The following BRAT1 variants were observed in gnomAD, a reference collection of about 807,000 sequenced individuals.
BRAT1 encodes the protein integrator complex assembly factor BRAT1.
In BRAT1, 74 loss-of-function variants were observed where a neutral mutation model predicts 70.6. The observed-to-expected ratio is 1.05, with a 90% CI of 0.87 to 1.27. The LOEUF (loss-of-function observed/expected upper bound fraction) is 1.27, where lower values mean the gene tolerates loss of function less well. Ranked by LOEUF, BRAT1 falls within the 50% of genes most tolerant of loss-of-function variation. The probability of loss-of-function intolerance (pLI) is 0.00; values close to 1 mark genes in which losing one functional copy is unlikely to be tolerated. For missense variants in BRAT1, 1,203 were observed against 1,098.2 expected (o/e 1.10, Z -1.35); for synonymous variants, 615 against 517.1 (o/e 1.19, Z -2.57).
In BRAT1 at chr7:2,538,167, C is replaced by T. The variant is rs765404910; in HGVS notation, c.2368G>A (p.Glu790Lys). ...DLEGLRSTLA[E>K]SSDHVEKSPQ... ...CTCTTTTCCACGTGGTCGCTGCTCTCGGCCAGCGTGCTCCGCAGGCCCTCC... is the reference window on the plus strand; with the variant it reads ...CTCTTTTCCACGTGGTCGCTGCTCTTGGCCAGCGTGCTCCGCAGGCCCTCC... The change falls in exon 14 of 14, where the codon GAG (glutamate) becomes AAG (lysine). Residue 790 changes from glutamate (E) to lysine (K), a missense_variant. Transcript: ENST00000340611. 18 of 1,609,054 alleles carry T rather than the reference C, an allele frequency of 1.1e-5. No individual in the cohort carries two copies. Among genetic ancestry groups the T allele is most frequent in the South Asian group, 8.8e-5 (8 of 90,978 alleles).
In BRAT1 at chr7:2,541,803, G is replaced by A. The variant is rs755296109; in HGVS notation, c.1049C>T (p.Thr350Met). 20 of 1,612,696 alleles carry A rather than the reference G, an allele frequency of 1.2e-5. No homozygotes were observed. Among genetic ancestry groups the A allele is most frequent in the Middle Eastern group, 1.6e-4 (1 of 6,070 alleles). The change falls in exon 8 of 14, where the codon ACG becomes ATG. Residue 350 changes from threonine (T) to methionine (M), a missense_variant. Physicochemically the swap from Thr to Met is moderately conservative, Grantham distance 81. Coordinates refer to ENST00000340611, the MANE Select transcript of BRAT1 (RefSeq NM_152743.4). Reference protein sequence around the residue: ...LLDGTADDATTVDTLLASKSS... With the variant: ...LLDGTADDATMVDTLLASKSS... ...CTTGGAGGCCAGGAGTGTGTCCACC[G>A]TCGTGGCATCGTCTGCCGTCCCGTC...
chr7:2,543,316 C>A lies in BRAT1; in HGVS notation c.811G>T (p.Val271Leu). Residue 271 changes from valine (V) to leucine (L), a missense_variant, in exon 6 of 14, where the codon GTG becomes TTG. Transcript: ENST00000340611. The surrounding 1 kb of genome is among the most constrained non-coding windows in gnomAD (Gnocchi z 5.5). The part of the protein sequence containing the change: ...DLLLCVARSP[V>L]FSSSDGSLWE... ...AGGCTGCCGTCGGAAGAACTGAACA[C>A]GGGAGAACTGCAGGGAGACCCCAGA... is the stretch of plus-strand genomic sequence containing the variant. The A allele has an allele frequency of 6.2e-7, 1 of 1,600,922 alleles. No individual in the cohort carries two copies. The highest frequency in any genetic ancestry group is 8.5e-7 in the Non-Finnish European group (1 of 1,173,100).
intron 3 of BRAT1, 48 bp downstream of exon 3, chr7:2,547,276 C>T: frequency 6.2e-7 from 1 of 1,602,472 alleles, no homozygotes; most frequent in African/African-American, 1.3e-5. Flanking sequence ...GGAGGAAAAG[C>T]CTGCCCACCT....
intron 13 of BRAT1, 112 bp downstream of exon 13, chr7:2,539,067 A>C: frequency 1.4e-6 from 2 of 1,470,928 alleles, no homozygotes; most frequent in Non-Finnish European, 1.8e-6. Context: ...GGCGCTGCCC[A>C]CAGCAGCAGC....
chr7:2,538,947 G>C (rs1350854819), intron 13 of BRAT1, 183 bp from the exon 14 acceptor site: 2 of 1,449,670 alleles, frequency 1.4e-6, no homozygotes, highest in African/African-American at 1.4e-5. Flanking sequence ...TTACCCATCT[G>C]TCAAATGGAG....
In BRAT1 at chr7:2,538,009, C is replaced by G. The variant is rs1463629311; in HGVS notation, c.*60G>C. The G allele has an allele frequency of 2.0e-6, 3 of 1,479,334 alleles. No individual in the cohort carries two copies. Among genetic ancestry groups the G allele is most frequent in the Admixed American group, 2.5e-5 (1 of 40,606 alleles). 91.6% of individuals were successfully genotyped at this position (1,479,334 alleles called of 1,614,324 possible). A position where few individuals can be genotyped will look rare whatever the true frequency, so the allele number is the denominator to read the frequency against. ...GAGCCCTGGGGCTGGCAGTGTCCCA[C>G]AGAAGGACATGGTGCTGCCTCCCTT... On this transcript the variant is annotated 3_prime_UTR_variant, in exon 14 of 14. Coordinates refer to ENST00000340611, the MANE Select transcript of BRAT1 (RefSeq NM_152743.4).
chr7:2,540,839 G>A (rs1276427586), intron 10 of BRAT1, 140 bp downstream of exon 10: 4 of 907,438 alleles, frequency 4.4e-6, no homozygotes, highest in Non-Finnish European at 6.2e-6. Context: ...CCTGCATCGT[G>A]AAGCTCTCTG....
At chr7:2,545,863 C>A (rs1423989585) in intron 3 of BRAT1, among the ~76,000 whole-genome samples, 1 of 152,194 alleles carries the variant, frequency 6.6e-6, no homozygotes, top group Non-Finnish European at 1.5e-5. Flanking sequence ...CCCTAGGACA[C>A]CTTGGAAAGT....
chr7:2,544,202 T>TTTTTTTTTTTG (rs1779421895), intron 4 of BRAT1: 1 of 304,412 alleles, frequency 3.3e-6, no homozygotes, highest in African/African-American at 2.4e-5. Context: ...TTCTTGTTGT[T>TTTTTTTTTTTG]TTTTTTTTTT....
At chr7:2,554,562 C>T in intron 1 of BRAT1, 115 bp from the exon 2 acceptor site, 1 of 1,260,620 alleles carries the variant, frequency 7.9e-7, no homozygotes, top group South Asian at 1.5e-5. Context: ...GAACTTTCAT[C>T]TCAGACCAGG....
intron 2 of BRAT1, among the ~76,000 whole-genome samples, chr7:2,552,478 G>A (rs1233595566): frequency 6.6e-6 from 1 of 151,394 alleles, no homozygotes; most frequent in African/African-American, 2.4e-5. Context: ...AGGGTAAAAG[G>A]CACTTTGGGA....
At chr7:2,540,577 G>A (rs756549181) in intron 10 of BRAT1, 8 of 182,334 alleles carry the variant, frequency 4.4e-5, no homozygotes, top group African/African-American at 9.4e-5. Flanking sequence ...TCTGCTCAGC[G>A]GCAGGTGGCA....
intron 1 of BRAT1, among the ~76,000 whole-genome samples, chr7:2,554,826 G>T (rs1443664002): frequency 6.6e-6 from 1 of 152,202 alleles, no homozygotes; most frequent in Non-Finnish European, 1.5e-5. Context: ...AGCCATGTGT[G>T]CAAGGGGATG....
Position 2,539,365 on chromosome 7 carries a change from C to T in BRAT1, c.1598-14G>A, listed in dbSNP as rs1199540927. ...AGTCAGCCTGTCCTGGGGGTCGAAA[C>T]GGCCACATGCAGCTGTGACTGAGGG... On this transcript the variant is annotated splice_polypyrimidine_tract_variant and intron_variant, in intron 12 of 13. Coordinates refer to ENST00000340611, the MANE Select transcript of BRAT1 (RefSeq NM_152743.4). 8 of 1,593,414 alleles carry T rather than the reference C, an allele frequency of 5.0e-6. No individual in the cohort carries two copies. Among genetic ancestry groups the T allele is most frequent in the Middle Eastern group, 2.0e-4 (1 of 5,082 alleles).
chr7:2,543,996 G>T lies in BRAT1; in HGVS notation c.431-34C>A. Reference sequence around the variant, plus strand: ...GGGATGGGGGAAGAGAGGGAAAAGGGGGTGAGCCAGAATAGAGCTGGGGGA... The same window carrying T: ...GGGATGGGGGAAGAGAGGGAAAAGGTGGTGAGCCAGAATAGAGCTGGGGGA... On this transcript the variant is annotated intron_variant, in intron 4 of 13. Transcript: ENST00000340611. The surrounding 1 kb of genome is among the most constrained non-coding windows in gnomAD (Gnocchi z 5.5). The T allele has an allele frequency of 1.3e-6, 2 of 1,514,024 alleles. No individual in the cohort carries two copies. The highest frequency in any genetic ancestry group is 4.7e-5 in the East Asian group (2 of 42,368). 93.8% of individuals were successfully genotyped at this position (1,514,024 alleles called of 1,614,324 possible).
chr7:2,549,898 A>G (rs1193759520), intron 2 of BRAT1, among the ~76,000 whole-genome samples: 1 of 152,244 alleles, frequency 6.6e-6, no homozygotes, highest in African/African-American at 2.4e-5. Flanking sequence ...TCACGGAGAT[A>G]AATTCCAGAA....
At position 2,540,961 on chromosome 7, in the gene BRAT1, C is replaced by CT. The variant is rs1284100681; in HGVS notation, c.1395+17dup. The CT allele has an allele frequency of 3.3e-6, 5 of 1,526,592 alleles. No homozygotes were observed. The African/African-American group carries it at 7.2e-5, about 22-fold the overall frequency. The allele number at this position is 1,526,592 out of a possible 1,614,324, so 94.6% of individuals were successfully genotyped here. ...TCTGCCTCCCTCCTCTCCTCGCTCT[C>CT]TATCCCCACCACCGTACCGTGGGGC... On this transcript the variant is annotated intron_variant, in intron 10 of 13. Transcript: ENST00000340611.
intron 3 of BRAT1, among the ~76,000 whole-genome samples, chr7:2,545,858 G>T (rs1468420827): frequency 6.6e-5 from 10 of 152,176 alleles, no homozygotes; most frequent in Non-Finnish European, 1.5e-4. Flanking sequence ...CAGCACCCTA[G>T]GACACCTTGG....
intron 8 of BRAT1, 34 bp downstream of exon 8, chr7:2,541,684 C>T: frequency 6.3e-7 from 1 of 1,582,010 alleles, no homozygotes. Context: ...AGCGTGGATG[C>T]TGCTGGGCTG....
Sources: allele counts gnomAD v4.1 joint callset (sites outside exome capture counted in the v4.1 genomes callset), GRCh38; gene constraint gnomAD v4.1.1; non-coding constraint Gnocchi (gnomAD v3.1); transcripts MANE v1.5; gene names NCBI Gene and HGNC (gene_info 2026-07-23, HGNC 2026-07-21).